The following ATXN8OS variants were observed in gnomAD, a reference collection of about 807,000 sequenced individuals.
ATXN8OS encodes the protein ATXN8 opposite strand lncRNA, also known as ATXN8 opposite strand (non-protein coding).
At chr13:70,152,394 C>A (rs1888880660) in intron 4 of ATXN8OS, among the ~76,000 whole-genome samples, 1 of 151,456 alleles carries the variant, frequency 6.6e-6, no homozygotes, top group Non-Finnish European at 1.5e-5. Context: ...TATATATACA[C>A]ATATATACAT....
chr13:70,160,265 C>A (rs1449215285), intron 4 of ATXN8OS, among the ~76,000 whole-genome samples: 1 of 151,428 alleles, frequency 6.6e-6, no homozygotes, highest in South Asian at 2.1e-4. Context: ...ATTTGCAGCT[C>A]ATTGTTACCC....
At chr13:70,156,135 C>CAAA (rs113157212) in intron 4 of ATXN8OS, among the ~76,000 whole-genome samples, 19 of 151,498 alleles carry the variant, frequency 1.3e-4, no homozygotes, top group South Asian at 2.1e-4. Flanking sequence ...TGCAATAATA[C>CAAA]AAAAAAAATG....
intron 2 of ATXN8OS, chr13:70,115,384 A>C (rs1888264026): frequency 2.5e-6 from 1 of 396,710 alleles, no homozygotes; most frequent in Non-Finnish European, 4.4e-6. Context: ...TCACTTCCCA[A>C]CACTGTGGCA....
intron 4 of ATXN8OS, among the ~76,000 whole-genome samples, chr13:70,158,820 A>C (rs941882045): frequency 6.6e-6 from 1 of 152,196 alleles, no homozygotes; most frequent in Admixed American, 6.5e-5. Context: ...TAAAAACATT[A>C]AAACCAGCCT....
At chr13:70,130,495 A>AT (rs1888516118) in intron 3 of ATXN8OS, among the ~76,000 whole-genome samples, 1 of 152,198 alleles carries the variant, frequency 6.6e-6, no homozygotes, top group Admixed American at 6.5e-5. Flanking sequence ...TGATAAGCCT[A>AT]TTGCAGGAAG....
exon 5 of ATXN8OS, among the ~76,000 whole-genome samples, chr13:70,171,389 C>T (rs573278699): frequency 1.3e-5 from 2 of 152,228 alleles, no homozygotes; most frequent in African/African-American, 4.8e-5. Flanking sequence ...ATGAATAGAG[C>T]TAGCAGGACT....
intron 3 of ATXN8OS, among the ~76,000 whole-genome samples, chr13:70,138,817 G>A (rs1352177886): frequency 6.6e-6 from 1 of 151,940 alleles, no homozygotes; most frequent in Non-Finnish European, 1.5e-5. Context: ...AATTCATAAT[G>A]AAGTCTAGTA....
intron 4 of ATXN8OS, among the ~76,000 whole-genome samples, chr13:70,161,816 T>G (rs931214648): frequency 6.6e-5 from 10 of 151,952 alleles, no homozygotes; most frequent in Non-Finnish European, 1.3e-4. Context: ...TGAATCCTAA[T>G]GTAGGTTATA....
chr13:70,111,253 T>C lies in ATXN8OS; in HGVS notation n.240+3234T>C, dbSNP rs563848834. On this transcript the variant is annotated intron_variant and non_coding_transcript_variant, in intron 1 of 4. Coordinates refer to ENST00000678624, the Ensembl canonical transcript of ATXN8OS. ...TTTAAACAATAAGCAAAATTGGCTT[T>C]GGATCTGTTTTAGTCCATTATCTGT... 2.6e-5 allele frequency among the ~76,000 whole-genome samples: 4 copies of C among 152,352 alleles called. No individual in the cohort carries two copies. In the South Asian group the frequency reaches 6.2e-4, roughly 24 times the overall value.
At chr13:70,131,968 T>C (rs1888540512) in intron 3 of ATXN8OS, among the ~76,000 whole-genome samples, 1 of 152,208 alleles carries the variant, frequency 6.6e-6, no homozygotes, top group African/African-American at 2.4e-5. Context: ...CACGTTTGCA[T>C]GGCACATACC....
At chr13:70,154,681 C>T (rs1160002189) in intron 4 of ATXN8OS, among the ~76,000 whole-genome samples, 5 of 152,198 alleles carry the variant, frequency 3.3e-5, no homozygotes, top group African/African-American at 1.2e-4. Context: ...TCTAGAGACT[C>T]TCCCAGCAAT....
chr13:70,142,313 T>C (rs534696144), intron 3 of ATXN8OS, among the ~76,000 whole-genome samples: 18 of 152,370 alleles, frequency 1.2e-4, no homozygotes, highest in African/African-American at 4.3e-4. Flanking sequence ...CACTGGGCTT[T>C]AGGCTAAAGC....
At chr13:70,154,799 G>A (rs1349406923) in intron 4 of ATXN8OS, among the ~76,000 whole-genome samples, 2 of 152,180 alleles carry the variant, frequency 1.3e-5, no homozygotes, top group Non-Finnish European at 2.9e-5. Flanking sequence ...TTTTATCTAA[G>A]AAGTACAACA....
chr13:70,152,471 A>G (rs1323858126), intron 4 of ATXN8OS, among the ~76,000 whole-genome samples: 1 of 151,976 alleles, frequency 6.6e-6, no homozygotes, highest in Non-Finnish European at 1.5e-5. Flanking sequence ...ATACATGTAT[A>G]CACATATATA....
upstream of ATXN8OS, chr13:70,107,642 T>G: frequency 1.3e-6 from 2 of 1,554,508 alleles, no homozygotes; most frequent in Non-Finnish European, 1.7e-6. Context: ...CTGAAGAGTT[T>G]CCAGCGGAGT....
chr13:70,151,737 AT>A (rs1888869823), intron 4 of ATXN8OS, among the ~76,000 whole-genome samples: 1 of 152,128 alleles, frequency 6.6e-6, no homozygotes, highest in Non-Finnish European at 1.5e-5. Context: ...TTAAAGTTGT[AT>A]TTCAACAAGA....
At chr13:70,146,742 C>T (rs1180436784) in intron 3 of ATXN8OS, among the ~76,000 whole-genome samples, 5 of 140,842 alleles carry the variant, frequency 3.6e-5, no homozygotes, top group Non-Finnish European at 6.0e-5. Flanking sequence ...GGAAGGGGAA[C>T]ATCACACTCT....
chr13:70,166,170 T>A (rs1889073229), intron 4 of ATXN8OS, among the ~76,000 whole-genome samples: 2 of 151,510 alleles, frequency 1.3e-5, no homozygotes, highest in Admixed American at 1.3e-4. Flanking sequence ...TTTAAAATAG[T>A]AGTTCATATG....
At chr13:70,166,465 T>C (rs1304395853) in intron 4 of ATXN8OS, among the ~76,000 whole-genome samples, 1 of 151,968 alleles carries the variant, frequency 6.6e-6, no homozygotes, top group East Asian at 1.9e-4. Context: ...TAGCCATATG[T>C]AGAAAGCTGA....
Sources: gnomAD v4.1 joint callset for allele counts (sites outside exome capture counted in the v4.1 genomes callset) on GRCh38, gnomAD v4.1.1 for gene constraint, MANE v1.5 for transcripts, NCBI Gene and HGNC (gene_info 2026-07-23, HGNC 2026-07-21) for gene names.